The following SCN11A variants were observed in gnomAD, a reference collection of about 807,000 sequenced individuals.
SCN11A encodes sodium voltage-gated channel alpha subunit 11, also known as sodium channel protein type 11 subunit alpha.
Under a neutral mutation model 162.2 loss-of-function variants are expected in SCN11A, and 122 were observed. That is an observed-to-expected ratio of 0.75 (90% CI 0.65 to 0.87). The LOEUF is 0.87. SCN11A is among the 40% of genes least tolerant of loss of function. SCN11A has a pLI of 0.00. For synonymous variants in SCN11A, 758 were observed against 751.5 expected, an observed-to-expected ratio of 1.01 and a Z score of -0.14; for missense variants, 2,015 against 2,181.6, an observed-to-expected ratio of 0.92 and a Z score of 1.52.
At chr3:38,930,210 T>A (rs1476825823) in intron 7 of SCN11A, among the ~76,000 whole-genome samples, 1 of 152,134 alleles carries the variant, frequency 6.6e-6, no homozygotes, top group Non-Finnish European at 1.5e-5. Flanking sequence ...TATCCAGTCA[T>A]AATAGCCCTG....
chr3:38,942,805 A>C (rs929843782), intron 7 of SCN11A, among the ~76,000 whole-genome samples: 3 of 152,190 alleles, frequency 2.0e-5, no homozygotes, highest in African/African-American at 7.2e-5. Flanking sequence ...AGAAGAGCAA[A>C]TTAAAATCAA....
intron 7 of SCN11A, 59 bp from the exon 8 acceptor site, chr3:38,926,990 A>G (rs1159749078): frequency 6.6e-7 from 1 of 1,526,340 alleles, no homozygotes; most frequent in Non-Finnish European, 8.9e-7. Context: ...AAAAGCAAAG[A>G]GCCCTTCTAT....
In SCN11A at chr3:39,014,795, T is replaced by G. The variant is rs143831779; in HGVS notation, c.-280+17585A>C. ...AATTATTCATATTCAGAAAAAAAAT[T>G]CAATGAGATAAAAATGCTGCCCACT... On this transcript the variant is annotated intron_variant, in intron 2 of 29. Coordinates refer to ENST00000302328, the MANE Select transcript of SCN11A (RefSeq NM_001349253.2). Among the ~76,000 whole-genome samples, 626 of 152,316 alleles carry G rather than the reference T, an allele frequency of 4.1e-3. 9 individuals are homozygous for G. The highest frequency in any genetic ancestry group is 0.014 in the African/African-American group (594 of 41,558).
intron 2 of SCN11A, among the ~76,000 whole-genome samples, chr3:39,021,036 C>T (rs1388155155): frequency 2.7e-5 from 4 of 150,222 alleles, no homozygotes. Flanking sequence ...ACCATAAGAT[C>T]TGTTAAAAAA....
intron 2 of SCN11A, among the ~76,000 whole-genome samples, chr3:38,971,664 TG>T (rs2066818069): frequency 6.6e-6 from 1 of 152,188 alleles, no homozygotes; most frequent in South Asian, 2.1e-4. Context: ...TGACCTTTCT[TG>T]GCCCCCAGTA....
chr3:38,906,980 C>T (rs2065802486), intron 14 of SCN11A, among the ~76,000 whole-genome samples: 1 of 152,094 alleles, frequency 6.6e-6, no homozygotes, highest in Admixed American at 6.6e-5. Context: ...TCATGTTCTC[C>T]TGCTTGCCTT....
At chr3:39,031,696 T>C (rs2031755915) in intron 2 of SCN11A, among the ~76,000 whole-genome samples, 1 of 152,216 alleles carries the variant, frequency 6.6e-6, no homozygotes. Flanking sequence ...TTTACTTCTG[T>C]ATAATTATTT....
intron 2 of SCN11A, among the ~76,000 whole-genome samples, chr3:38,964,049 G>A (rs1326166690): frequency 2.6e-5 from 4 of 152,226 alleles, no homozygotes; most frequent in African/African-American, 9.6e-5. Flanking sequence ...TCACTTGAGT[G>A]GAGTTTGCAT....
At chr3:39,031,702 T>C (rs1231297709) in intron 2 of SCN11A, among the ~76,000 whole-genome samples, 1 of 152,184 alleles carries the variant, frequency 6.6e-6, no homozygotes, top group Non-Finnish European at 1.5e-5. Flanking sequence ...TCTGTATAAT[T>C]ATTTAATTAT....
At position 38,847,172 on chromosome 3, in the gene SCN11A, A is replaced by T. The variant is rs1455709003; in HGVS notation, c.4898T>A (p.Phe1633Tyr). 8 of 1,614,070 alleles carry T rather than the reference A, an allele frequency of 5.0e-6. No individual in the cohort carries two copies. Among genetic ancestry groups the T allele is most frequent in the Non-Finnish European group, 6.8e-6 (8 of 1,180,040 alleles). ...FDIFYEVWEK[F>Y]DPEATQFIKY... Reference sequence around the variant, plus strand: ...GATAAATTGTGTTGCTTCTGGGTCAAACTTTTCCCACACTTCATAAAATAT... The same window carrying T: ...GATAAATTGTGTTGCTTCTGGGTCATACTTTTCCCACACTTCATAAAATAT... Residue 1633 changes from phenylalanine to tyrosine, a missense_variant, in exon 30 of 30, where the codon TTT becomes TAT. Physicochemically the swap from Phe to Tyr is conservative, Grantham distance 22. Coordinates refer to ENST00000302328, the MANE Select transcript of SCN11A (RefSeq NM_001349253.2).
intron 7 of SCN11A, among the ~76,000 whole-genome samples, chr3:38,941,330 A>T (rs2066439689): frequency 6.6e-6 from 1 of 152,254 alleles, no homozygotes; most frequent in Admixed American, 6.5e-5. Context: ...AATGAGTATG[A>T]AATAAAGACA....
Position 38,975,821 on chromosome 3 carries a change from G to A in SCN11A, c.-279-15398C>T, listed in dbSNP as rs78592824. Among the ~76,000 whole-genome samples the A allele has an allele frequency of 3.0e-3, 455 of 152,284 alleles. 19 individuals are homozygous for A. In the East Asian group the frequency reaches 0.08, roughly 27 times the overall value. On this transcript the variant is annotated intron_variant, in intron 2 of 29. Coordinates refer to ENST00000302328, the MANE Select transcript of SCN11A (RefSeq NM_001349253.2). The stretch of plus-strand genomic sequence containing the variant: ...TAAAATGGTAGTAGCCAGGGGCCGG[G>A]AGGAGGGGAGAAAGAGGAGTTGTTT...
chr3:39,042,957 C>CAAAAAAAAAAAAAAA (rs561204433), intron 1 of SCN11A, among the ~76,000 whole-genome samples: 1 of 66,028 alleles, frequency 1.5e-5, no homozygotes, highest in Non-Finnish European at 3.4e-5. Flanking sequence ...AACTCCATCT[C>CAAAAAAAAAAAAAAA]AAAAAAAAAA....
chr3:39,042,244 G>A (rs1437352313), intron 1 of SCN11A, among the ~76,000 whole-genome samples: 1 of 152,168 alleles, frequency 6.6e-6, no homozygotes, highest in East Asian at 1.9e-4. Flanking sequence ...ACTCCAGCCT[G>A]AGAGACAGAG....
intron 2 of SCN11A, among the ~76,000 whole-genome samples, chr3:39,021,148 C>A (rs997579899): frequency 6.6e-6 from 1 of 151,744 alleles, no homozygotes; most frequent in Non-Finnish European, 1.5e-5. Context: ...AGCGCTCCAC[C>A]AAGAAGGTAA....
intron 7 of SCN11A, among the ~76,000 whole-genome samples, chr3:38,932,911 A>G (rs566136893): frequency 6.6e-6 from 1 of 152,348 alleles, no homozygotes; most frequent in East Asian, 1.9e-4. Context: ...GAACAGGCAG[A>G]CTGCCTCCTC....
At chr3:38,928,883 C>A (rs1320726903) in intron 7 of SCN11A, among the ~76,000 whole-genome samples, 2 of 152,016 alleles carry the variant, frequency 1.3e-5, no homozygotes, top group African/African-American at 4.8e-5. Flanking sequence ...ATGAAGACTC[C>A]TCAAAAATTA....
At chr3:38,992,502 C>A (rs982596596) in intron 2 of SCN11A, among the ~76,000 whole-genome samples, 1 of 152,212 alleles carries the variant, frequency 6.6e-6, no homozygotes, top group Non-Finnish European at 1.5e-5. Flanking sequence ...TCTGCCTTCC[C>A]CGCCTTGACA....
chr3:38,903,720 C>T (rs1480215955), intron 16 of SCN11A, 145 bp downstream of exon 16: 1 of 613,862 alleles, frequency 1.6e-6, no homozygotes, highest in South Asian at 2.2e-5. Flanking sequence ...AAAGTAAAAC[C>T]GTAACAGCCA....
Sources: gnomAD v4.1 joint callset for allele counts (sites outside exome capture counted in the v4.1 genomes callset) on GRCh38, gnomAD v4.1.1 for gene constraint, MANE v1.5 for transcripts, NCBI Gene and HGNC (gene_info 2026-07-23, HGNC 2026-07-21) for gene names.